Variants in SLC4A2 observed in about 807,000 individuals in gnomAD.
The protein encoded by SLC4A2 is solute carrier family 4 member 2.
Under a neutral mutation model 115.0 loss-of-function variants are expected in SLC4A2, and 36 were observed. The ratio of observed to expected loss-of-function variants is 0.31; its 90% CI spans 0.24 to 0.41. SLC4A2 has a LOEUF of 0.41. Ranked by LOEUF, SLC4A2 falls within the 10% of genes least tolerant of loss-of-function variation. SLC4A2 has a pLI of 1.00. For missense variants in SLC4A2, 1,252 were observed against 1,705.6 expected, an observed-to-expected ratio of 0.73 and a Z score of 4.68; for synonymous variants, 708 against 708.3, an observed-to-expected ratio of 1.00 and a Z score of 0.01.
chr7:151,061,192 GC>G (rs1797032294), intron 1 of SLC4A2: 1 of 143,356 alleles, frequency 7.0e-6, no homozygotes, highest in South Asian at 2.4e-4. Flanking sequence ...CCCCCTCCCA[GC>G]CCATCACATG....
chr7:151,062,517 A>C (rs1471313061), intron 2 of SLC4A2: 1 of 1,325,310 alleles, frequency 7.5e-7, no homozygotes, highest in South Asian at 1.9e-5. Context: ...AAGGAGTCTT[A>C]ATGATTAACC....
chr7:151,064,576 C>T lies in SLC4A2; in HGVS notation c.268C>T (p.Pro90Ser). 1.9e-6 allele frequency: 3 copies of T among 1,612,584 alleles called. No homozygotes were observed. The highest frequency in any genetic ancestry group is 1.7e-5 in the Admixed American group (1 of 60,008). The change falls in exon 4 of 23, where the codon CCT becomes TCT. Residue 90 changes from proline (P) to serine (S), a missense_variant. Physicochemically the swap from Pro to Ser is moderately conservative, Grantham distance 74. This residue lies in a region of SLC4A2 where 215 missense variants were observed against 205.2 expected (regional missense o/e 1.05). Transcript: ENST00000413384. The part of the protein sequence containing the change: ...HIHHPLSTHL[P>S]PDARRRKTPQ... Reference sequence around the variant, plus strand: ...CCATCACCCACTGTCCACCCACCTGCCTCCGGATGCACGCCGCCGCAAGAC... The same window carrying T: ...CCATCACCCACTGTCCACCCACCTGTCTCCGGATGCACGCCGCCGCAAGAC...
rs754045514 is a variant in SLC4A2, at chr7:151,075,404, A to G, written c.3197A>G (p.Asn1066Ser). ...AATVRSVTHA[N>S]ALTVMSKAVA... ...ACTGTCCGCTCTGTCACTCACGCCA[A>G]CGCGCTCACTGTCATGAGCAAGGCT... The change falls in exon 20 of 23, where the codon AAC becomes AGC. Residue 1066 changes from asparagine (N) to serine (S), a missense_variant. Asn to Ser is a conservative substitution (Grantham distance 46, BLOSUM62 1). This residue lies in a region of SLC4A2 where 253 missense variants were observed against 407.4 expected (regional missense o/e 0.62). Coordinates refer to ENST00000413384, the MANE Select transcript of SLC4A2 (RefSeq NM_003040.4). The G allele has an allele frequency of 1.1e-5, 17 of 1,609,538 alleles. No individual in the cohort carries two copies. Among genetic ancestry groups the G allele is most frequent in the Non-Finnish European group, 1.4e-5 (16 of 1,180,004 alleles).
chr7:151,063,255 C>A, intron 2 of SLC4A2: 1 of 1,194,776 alleles, frequency 8.4e-7, no homozygotes, highest in Non-Finnish European at 1.1e-6. Context: ...GGGCCGGGGG[C>A]CTGGGGGCTG....
At chr7:151,067,020 C>A in intron 7 of SLC4A2, 27 bp downstream of exon 7, 1 of 1,556,252 alleles carries the variant, frequency 6.4e-7, no homozygotes, top group Non-Finnish European at 8.7e-7. Context: ...CATGCTCTTC[C>A]ATCAACTTCC....
In SLC4A2 at chr7:151,070,469, C is replaced by T. The variant is rs772524567; in HGVS notation, c.1462C>T (p.Pro488Ser). ...LEVERERELP[P>S]PAPPAGITRS... ...CTGTGTCCCCCAGCGTGAGCTGCCGCCTCCAGCACCACCAGCTGGCATCAC... is the reference window on the plus strand; with the variant it reads ...CTGTGTCCCCCAGCGTGAGCTGCCGTCTCCAGCACCACCAGCTGGCATCAC... The change falls in exon 11 of 23, where the codon CCT becomes TCT. Residue 488 changes from proline (P) to serine (S), a missense_variant. Pro to Ser is a moderately conservative substitution (Grantham distance 74, BLOSUM62 -1). Around this residue, in one of 14 missense-constraint regions of SLC4A2, gnomAD observed 142 missense variants for 153.5 expected, o/e 0.93. Coordinates refer to ENST00000413384, the MANE Select transcript of SLC4A2 (RefSeq NM_003040.4). 6 of 1,612,762 alleles carry T rather than the reference C, an allele frequency of 3.7e-6. No individual in the cohort carries two copies. In the East Asian group the frequency reaches 8.9e-5, roughly 24 times the overall value.
chr7:151,075,787 A>G lies in SLC4A2; in HGVS notation c.3471+12A>G. 1 of 1,595,256 alleles carries G rather than the reference A, an allele frequency of 6.3e-7. No individual in the cohort carries two copies. The highest frequency in any genetic ancestry group is 8.6e-7 in the Non-Finnish European group (1 of 1,166,088). On this transcript the variant is annotated intron_variant, in intron 21 of 22. Coordinates refer to ENST00000413384, the MANE Select transcript of SLC4A2 (RefSeq NM_003040.4). ...CTTACGTCAAGAAGGTGAGCCCCCCAGCTCCCCACCGGAAGGGGTGTGCCT... is the reference window on the plus strand; with the variant it reads ...CTTACGTCAAGAAGGTGAGCCCCCCGGCTCCCCACCGGAAGGGGTGTGCCT...
intron 2 of SLC4A2, 33 bp downstream of exon 2, chr7:151,062,071 T>G: frequency 1.9e-6 from 3 of 1,592,402 alleles, no homozygotes; most frequent in East Asian, 2.2e-5. Context: ...CAGCCCAACC[T>G]TCCCTCCCTG....
chr7:151,070,550 G>A lies in SLC4A2; in HGVS notation c.1543G>A (p.Glu515Lys), dbSNP rs1797398484. 6 of 1,613,432 alleles carry A rather than the reference G, an allele frequency of 3.7e-6. No individual in the cohort carries two copies. Among genetic ancestry groups the A allele is most frequent in the African/African-American group, 1.3e-5 (1 of 74,920 alleles). The change falls in exon 11 of 23, where the codon GAG (glutamate) becomes AAG (lysine). Residue 515 changes from glutamate to lysine, a missense_variant. By Grantham distance (56) the Glu-to-Lys change is moderately conservative. Coordinates refer to ENST00000413384, the MANE Select transcript of SLC4A2 (RefSeq NM_003040.4). ...GCTGGAGAAGATTCCTGAGAATGCC[G>A]AGGCCACGGTGGTCCTTGTGGGTAT... ...KLLEKIPENA[E>K]ATVVLVGCVE...
At chr7:151,073,554 C>T (rs1220434462) in intron 16 of SLC4A2, among the ~76,000 whole-genome samples, 1 of 152,166 alleles carries the variant, frequency 6.6e-6, no homozygotes, top group Non-Finnish European at 1.5e-5. Flanking sequence ...CAGGCGTGAA[C>T]CACTGTACCC....
intron 2 of SLC4A2, chr7:151,063,102 C>A: frequency 1.3e-6 from 2 of 1,518,492 alleles, no homozygotes; most frequent in Non-Finnish European, 1.8e-6. Flanking sequence ...AGGCGGCTGC[C>A]GCTTAGCTGG....
intron 5 of SLC4A2, 43 bp downstream of exon 5, chr7:151,065,009 CCT>C: frequency 7.8e-7 from 1 of 1,286,180 alleles, no homozygotes; most frequent in Non-Finnish European, 1.1e-6. Flanking sequence ...AGACACTTCC[CCT>C]GCTAGGATAG....
rs980727191 is a variant in SLC4A2 at position 151,071,828 on chromosome 7, C to G, written c.2331C>G (p.Ala777=). The change falls in exon 15 of 23, where the codon GCC becomes GCG. Residue 777 remains alanine (A), a synonymous_variant. Transcript: ENST00000413384. This position sits in a 1 kb window ranked among gnomAD's most constrained non-coding sequence, Gnocchi z 5.5. ...GGCCCCTGCTGGTCTTTGAGGAGGC[C>G]TTCTTCTCGGTGAGGGCTCTTCTCG... is the stretch of plus-strand genomic sequence containing the variant. ...FSGPLLVFEE[A]FFSFCSSNHL... 5 of 1,602,666 alleles carry G rather than the reference C, an allele frequency of 3.1e-6. No individual in the cohort carries two copies. In the Admixed American group the frequency reaches 5.2e-5, roughly 17 times the overall value.
At chr7:151,061,009 C>T (rs999307745) in intron 1 of SLC4A2, among the ~76,000 whole-genome samples, 6 of 152,028 alleles carry the variant, frequency 3.9e-5, no homozygotes, top group Admixed American at 2.0e-4. Context: ...AGGGATTGGG[C>T]TCCCTCCTGC....
Position 151,071,894 on chromosome 7 carries a change from C to G in SLC4A2, c.2341-48C>G, listed in dbSNP as rs755787513. Reference sequence around the variant, plus strand: ...CCCTCCCGTGCCCTAGACACCTCCCCACAGCATCCCCACCCAGAGCTCAGG... The same window carrying G: ...CCCTCCCGTGCCCTAGACACCTCCCGACAGCATCCCCACCCAGAGCTCAGG... On this transcript the variant is annotated intron_variant, in intron 15 of 22. Coordinates refer to ENST00000413384, the MANE Select transcript of SLC4A2 (RefSeq NM_003040.4). This position sits in a 1 kb window ranked among gnomAD's most constrained non-coding sequence, Gnocchi z 5.5. 1.9e-6 allele frequency: 3 copies of G among 1,608,174 alleles called. No homozygotes were observed. The highest frequency in any genetic ancestry group is 2.2e-5 in the South Asian group (2 of 90,830).
chr7:151,058,908 C>G (rs961882229), upstream of SLC4A2: 14 of 152,252 alleles, frequency 9.2e-5, no homozygotes, highest in African/African-American at 3.4e-4. Flanking sequence ...ACCAGAGTTG[C>G]TGCTAAACAC....
At position 151,070,470 on chromosome 7, in the gene SLC4A2, C is replaced by CT; in HGVS notation, c.1464dup (p.Pro489SerfsTer24). 6.2e-7 allele frequency: 1 copy of CT among 1,612,924 alleles called. No homozygotes were observed. Among genetic ancestry groups the CT allele is most frequent in the Non-Finnish European group, 8.5e-7 (1 of 1,179,574 alleles). On this transcript the variant is annotated frameshift_variant, in exon 11 of 23. Coordinates refer to ENST00000413384, the MANE Select transcript of SLC4A2 (RefSeq NM_003040.4). LOFTEE classifies it high-confidence loss of function. ...TGTGTCCCCCAGCGTGAGCTGCCGC[C>CT]TCCAGCACCACCAGCTGGCATCACC...
chr7:151,073,289 T>TTA (rs59101471), intron 16 of SLC4A2, among the ~76,000 whole-genome samples: 4 of 140,916 alleles, frequency 2.8e-5, no homozygotes, highest in African/African-American at 1.1e-4. Context: ...TTATTTTATT[T>TTA]GTTTATTTGT....
At chr7:151,059,237 C>G (rs1563333705), upstream of SLC4A2, 1 of 152,260 alleles carries the variant, frequency 6.6e-6, no homozygotes, top group Non-Finnish European at 1.5e-5. This position sits in a 1 kb window ranked among gnomAD's most constrained non-coding sequence, Gnocchi z 5.8. Flanking sequence ...CACCCACTCG[C>G]CACCCGTCCC....
Sources: gnomAD v4.1 joint callset for allele counts (sites outside exome capture counted in the v4.1 genomes callset) on GRCh38, gnomAD v4.1.1 for gene constraint, gnomAD v4.1.1 regional missense constraint, Gnocchi (gnomAD v3.1) non-coding constraint, MANE v1.5 for transcripts, NCBI Gene and HGNC (gene_info 2026-07-23, HGNC 2026-07-21) for gene names.